DMD: variants seen among roughly 807,000 people sequenced by gnomAD.
The protein encoded by DMD is dystrophin.
A neutral mutation model predicts 330.1 loss-of-function variants in DMD; 63 were observed. That is an observed-to-expected ratio of 0.19 (90% CI 0.16 to 0.24). DMD has a LOEUF of 0.24. DMD is among the 10% of genes least tolerant of loss of function. The pLI, the probability that DMD is intolerant of heterozygous loss-of-function variation, is 1.00. For missense variants in DMD, 3,344 were observed against 2,684.1 expected (o/e 1.25, Z -5.43); for synonymous variants, 1,223 against 959.8 (o/e 1.27, Z -5.07).
chrX:33,050,526 T>C (rs774166839), intron 1 of DMD, among the ~76,000 whole-genome samples: 4 of 111,985 alleles, frequency 3.6e-5, no homozygotes, highest in African/African-American at 1.3e-4. Flanking sequence ...CGGCTTCATT[T>C]TGAGACGTCC....
At chrX:32,003,960 A>C (rs1374787522) in intron 44 of DMD, among the ~76,000 whole-genome samples, 1 of 111,681 alleles carries the variant, frequency 9.0e-6, no homozygotes, top group East Asian at 2.8e-4. Context: ...TAAGAAAATA[A>C]TGAGAATGAT....
chrX:32,099,181 T>C (rs1488024337), intron 44 of DMD, among the ~76,000 whole-genome samples: 1 of 111,866 alleles, frequency 8.9e-6, no homozygotes. Flanking sequence ...TTTTTAATGA[T>C]TGCCATTCTA....
chrX:31,511,439 A>G (rs1275479669), intron 55 of DMD, among the ~76,000 whole-genome samples: 49 of 98,647 alleles, frequency 5.0e-4, no homozygotes, highest in African/African-American at 1.6e-3. Flanking sequence ...CCACTAACTC[A>G]TCATCTAGCA....
chrX:31,167,413 G>A (rs1364250685), intron 74 of DMD, among the ~76,000 whole-genome samples: 6 of 111,789 alleles, frequency 5.4e-5, no homozygotes, highest in Non-Finnish European at 1.1e-4. Flanking sequence ...TCTTTGACCC[G>A]GGTGCAATGG....
intron 30 of DMD, among the ~76,000 whole-genome samples, chrX:32,409,070 C>T (rs1047626004): frequency 2.7e-5 from 3 of 111,319 alleles, no homozygotes; most frequent in South Asian, 3.7e-4. Context: ...ATGGGAATTT[C>T]GAGCTGCTTT....
intron 7 of DMD, among the ~76,000 whole-genome samples, chrX:32,806,007 A>G (rs1272884525): frequency 8.9e-6 from 1 of 112,015 alleles, no homozygotes; most frequent in African/African-American, 3.2e-5. Context: ...CATCGACACC[A>G]TGAAGAAACT....
chrX:32,165,322 G>A (rs2096864363), intron 44 of DMD, among the ~76,000 whole-genome samples: 1 of 112,618 alleles, frequency 8.9e-6, no homozygotes, highest in Non-Finnish European at 1.9e-5. Context: ...CAAGACCATG[G>A]GAACCCACCT....
In DMD at chrX:31,522,373, A is replaced by C. The variant is rs1200557708; in HGVS notation, c.8218-14920T>G. On this transcript the variant is annotated intron_variant, in intron 55 of 78. Transcript: ENST00000357033. The stretch of plus-strand genomic sequence containing the variant: ...TCTCTCTCTCTCTCTCTATATATAT[A>C]TATATATATATATAGCTGCACAGGA... 4.6e-3 allele frequency among the ~76,000 whole-genome samples: 361 copies of C among 78,292 alleles called. 9 individuals carry two copies. The highest frequency in any genetic ancestry group is 0.02 in the African/African-American group (313 of 15,661). The allele number at this position is 78,292 out of a possible 115,157, so 68.0% of individuals were successfully genotyped here.
At chrX:32,255,482 C>T (rs183122865) in intron 43 of DMD, among the ~76,000 whole-genome samples, 117 of 109,978 alleles carry the variant, frequency 1.1e-3, no homozygotes, top group Non-Finnish European at 1.9e-3. Flanking sequence ...TGAGATAGAC[C>T]ATATGGCCCG....
In DMD at chrX:32,476,637, G is replaced by T. The variant is rs182617356; in HGVS notation, c.2804-4328C>A. Among the ~76,000 whole-genome samples the T allele has an allele frequency of 5.9e-3, 656 of 111,770 alleles. 1 individual carries two copies. Among genetic ancestry groups the T allele is most frequent in the Middle Eastern group, 0.014 (3 of 219 alleles). On this transcript the variant is annotated intron_variant, in intron 21 of 78. Coordinates refer to ENST00000357033, the MANE Select transcript of DMD (RefSeq NM_004006.3). ...AGGAAATGCTTGACAAATTTGCAACGGTATAGAGTATCTCATTTAAACCAT... is the reference window on the plus strand; with the variant it reads ...AGGAAATGCTTGACAAATTTGCAACTGTATAGAGTATCTCATTTAAACCAT...
At chrX:32,245,685 G>T in intron 43 of DMD, among the ~76,000 whole-genome samples, 2 of 47,774 alleles carry the variant, frequency 4.2e-5, no homozygotes, top group Non-Finnish European at 3.6e-5. Flanking sequence ...CACATCCCTT[G>T]TAAGTTGGAT....
intron 7 of DMD, among the ~76,000 whole-genome samples, chrX:32,706,693 T>A (rs1202523981): frequency 8.9e-6 from 1 of 112,199 alleles, no homozygotes; most frequent in Non-Finnish European, 1.9e-5. Flanking sequence ...TGAAAACTAT[T>A]TGAGCGTTCT....
intron 64 of DMD, among the ~76,000 whole-genome samples, chrX:31,216,261 A>G (rs1374239126): frequency 3.6e-5 from 4 of 112,490 alleles, no homozygotes; most frequent in Non-Finnish European, 7.5e-5. Flanking sequence ...GAATGGAACC[A>G]ATAATTACTA....
At chrX:32,801,221 C>T (rs1029096925) in intron 7 of DMD, among the ~76,000 whole-genome samples, 1 of 111,724 alleles carries the variant, frequency 9.0e-6, no homozygotes, top group Non-Finnish European at 1.9e-5. Context: ...ACCATTCTAA[C>T]TAGCATGAGA....
chrX:32,033,809 C>G (rs2095915680), intron 44 of DMD, among the ~76,000 whole-genome samples: 1 of 111,747 alleles, frequency 8.9e-6, no homozygotes, highest in South Asian at 3.7e-4. Context: ...ATTTAATAGT[C>G]TGTTGACTTT....
chrX:33,105,235 A>T (rs1443867649), intron 1 of DMD, among the ~76,000 whole-genome samples: 1 of 111,622 alleles, frequency 9.0e-6, no homozygotes, highest in Non-Finnish European at 1.9e-5. Context: ...ATGTGGAAGA[A>T]TGAAACTGGA....
At chrX:32,722,016 G>C (rs1278058154) in intron 7 of DMD, among the ~76,000 whole-genome samples, 1 of 109,605 alleles carries the variant, frequency 9.1e-6, no homozygotes, top group African/African-American at 3.3e-5. Context: ...ATCAGTTTAT[G>C]TGTCTGTTTT....
At chrX:31,773,242 A>G (rs953471659) in intron 51 of DMD, among the ~76,000 whole-genome samples, 3 of 112,284 alleles carry the variant, frequency 2.7e-5, no homozygotes, top group Non-Finnish European at 3.8e-5. Flanking sequence ...ATTCACAAAT[A>G]TAAAAGATAT....
chrX:33,212,440 C>T (rs183089962), upstream of DMD, among the ~76,000 whole-genome samples: 625 of 111,247 alleles, frequency 5.6e-3, 1 homozygote, highest in Middle Eastern at 9.5e-3. Flanking sequence ...ATGCAACAGG[C>T]GAGCCCAAAA....
Sources: allele counts gnomAD v4.1 joint callset (sites outside exome capture counted in the v4.1 genomes callset), GRCh38; gene constraint gnomAD v4.1.1; transcripts MANE v1.5; gene names NCBI Gene and HGNC (gene_info 2026-07-23, HGNC 2026-07-21).